PCDH11X: variants seen among roughly 807,000 people sequenced by gnomAD.
PCDH11X encodes protocadherin 11 X-linked.
Under a neutral mutation model 53.3 loss-of-function variants are expected in PCDH11X, and 18 were observed. That is an observed-to-expected ratio of 0.34 (90% CI 0.23 to 0.50). The LOEUF (loss-of-function observed/expected upper bound fraction) is 0.50, where lower values mean the gene tolerates loss of function less well. Ranked by LOEUF, PCDH11X falls within the 20% of genes least tolerant of loss-of-function variation. The pLI, the probability that PCDH11X is intolerant of heterozygous loss-of-function variation, is 0.98. For synonymous variants in PCDH11X, 279 were observed against 393.3 expected (o/e 0.71, Z 3.44); for missense variants, 570 against 1,032.4 (o/e 0.55, Z 6.14).
At position 91,879,819 on chromosome X, in the gene PCDH11X, A is replaced by G. The variant is rs138769378; in HGVS notation, c.3033+546A>G. 1.2e-3 allele frequency: 924 copies of G among 746,819 alleles called. 18 individuals are homozygous for G. In the East Asian group the frequency reaches 0.053, roughly 43 times the overall value. The allele number at this position is 746,819 out of a possible 1,213,427, so 61.5% of individuals were successfully genotyped here. A position where few individuals can be genotyped will look rare whatever the true frequency, so the allele number is the denominator to read the frequency against. ...TGTCGTTTTCAGATTAGGAACTCAAAATTATTTTGGTGCATCAAATCTACA... is the reference window on the plus strand; with the variant it reads ...TGTCGTTTTCAGATTAGGAACTCAAGATTATTTTGGTGCATCAAATCTACA... On this transcript the variant is annotated intron_variant, in intron 6 of 10. Coordinates refer to ENST00000682573, the MANE Select transcript of PCDH11X (RefSeq NM_032968.5).
intron 6 of PCDH11X, among the ~76,000 whole-genome samples, chrX:92,086,760 G>C (rs772027275): frequency 1.8e-5 from 2 of 110,770 alleles, no homozygotes; most frequent in Non-Finnish European, 3.8e-5. Flanking sequence ...TTTTGTGACA[G>C]TGTTCTGTGT....
chrX:92,087,081 C>T (rs1412873493), intron 6 of PCDH11X, among the ~76,000 whole-genome samples: 1 of 108,786 alleles, frequency 9.2e-6, no homozygotes, highest in Non-Finnish European at 1.9e-5. Context: ...TGGTCTGGGA[C>T]CCTAGCTCTT....
chrX:92,321,793 A>G (rs1396747138), intron 8 of PCDH11X, among the ~76,000 whole-genome samples: 5 of 111,139 alleles, frequency 4.5e-5, no homozygotes. Context: ...ATCATGCCTG[A>G]GGACTGTTTT....
intron 6 of PCDH11X, among the ~76,000 whole-genome samples, chrX:92,083,334 C>A (rs1033286846): frequency 9.0e-6 from 1 of 111,356 alleles, no homozygotes; most frequent in Non-Finnish European, 1.9e-5. Context: ...GCTCACCCTA[C>A]TGGTTAAGAG....
chrX:91,969,083 A>G (rs1199340267), intron 6 of PCDH11X, among the ~76,000 whole-genome samples: 1 of 111,176 alleles, frequency 9.0e-6, no homozygotes, highest in African/African-American at 3.3e-5. Context: ...CAAAATATTT[A>G]TGTATTCAGT....
At chrX:92,499,673 A>AAAAAAAAAAAAAAAAAAAC (rs2073925228) in intron 10 of PCDH11X, among the ~76,000 whole-genome samples, 1 of 80,486 alleles carries the variant, frequency 1.2e-5, no homozygotes, top group African/African-American at 5.1e-5. Flanking sequence ...AAAAAAAAAA[A>AAAAAAAAAAAAAAAAAAAC]AAAAAAAAGC....
At chrX:91,903,222 A>G (rs2088509624) in intron 6 of PCDH11X, among the ~76,000 whole-genome samples, 1 of 111,396 alleles carries the variant, frequency 9.0e-6, no homozygotes, top group Non-Finnish European at 1.9e-5. Flanking sequence ...TTTTATGTGG[A>G]CAACTGAGAT....
At chrX:92,184,198 G>A (rs1405936549) in intron 6 of PCDH11X, among the ~76,000 whole-genome samples, 2 of 111,522 alleles carry the variant, frequency 1.8e-5, no homozygotes, top group Non-Finnish European at 1.9e-5. Context: ...AATGTCATGA[G>A]ATTTTATATA....
intron 6 of PCDH11X, among the ~76,000 whole-genome samples, chrX:91,885,573 A>G (rs12686900): frequency 9.1e-6 from 1 of 109,813 alleles, no homozygotes; most frequent in East Asian, 2.9e-4. Context: ...TGCTTGTGTC[A>G]TGACTAGCCT....
intron 7 of PCDH11X, among the ~76,000 whole-genome samples, chrX:92,212,428 G>A (rs1053444113): frequency 1.8e-5 from 2 of 111,555 alleles, no homozygotes; most frequent in Non-Finnish European, 3.8e-5. Context: ...TCGGTTCACT[G>A]CAACCTCCAC....
rs1430747555 is a variant in PCDH11X at position 91,877,965 on chromosome X, C to T, written c.1725C>T (p.Tyr575=). The T allele has an allele frequency of 8.3e-7, 1 of 1,211,736 alleles. No homozygotes were observed. The highest frequency in any genetic ancestry group is 1.7e-5 in the African/African-American group (1 of 57,777). ...DNSPVFTHNE[Y]NFYVPENLPR... ...GCCCAGTTTTCACTCACAATGAATACAACTTCTATGTCCCAGAAAACCTTC... is the reference window on the plus strand; with the variant it reads ...GCCCAGTTTTCACTCACAATGAATATAACTTCTATGTCCCAGAAAACCTTC... Residue 575 remains tyrosine (Y), a synonymous_variant, in exon 6 of 11, where the codon TAC becomes TAT. Transcript: ENST00000682573.
intron 9 of PCDH11X, among the ~76,000 whole-genome samples, chrX:92,436,284 A>G (rs771568986): frequency 9.2e-4 from 101 of 109,922 alleles, no homozygotes; most frequent in African/African-American, 3.1e-3. Flanking sequence ...ATACCATGTC[A>G]CACCAGTCAA....
chrX:92,484,167 G>GTA (rs759954092), intron 10 of PCDH11X, among the ~76,000 whole-genome samples: 121 of 35,095 alleles, frequency 3.4e-3, no homozygotes, highest in Admixed American at 6.4e-3. Context: ...ATGTATATAT[G>GTA]TATATATATG....
intron 6 of PCDH11X, among the ~76,000 whole-genome samples, chrX:91,953,883 ATG>A: frequency 9.1e-6 from 1 of 110,231 alleles, no homozygotes; most frequent in East Asian, 2.9e-4. Flanking sequence ...TATCTATTAT[ATG>A]CACAAATGAC....
At chrX:92,585,591 C>T (rs1185618929) in intron 10 of PCDH11X, among the ~76,000 whole-genome samples, 59 of 108,821 alleles carry the variant, frequency 5.4e-4, no homozygotes, top group African/African-American at 1.9e-3. Context: ...AGGATGGTCT[C>T]GATCTCCTGA....
intron 6 of PCDH11X, among the ~76,000 whole-genome samples, chrX:92,005,572 T>C (rs2062585277): frequency 8.9e-6 from 1 of 112,107 alleles, no homozygotes; most frequent in African/African-American, 3.2e-5. Context: ...CTTGAAAAGT[T>C]GTTGTAGTTA....
chrX:92,317,583 G>A (rs1163927856), intron 8 of PCDH11X, among the ~76,000 whole-genome samples: 1 of 111,260 alleles, frequency 9.0e-6, no homozygotes, highest in Non-Finnish European at 1.9e-5. Context: ...GAATGATTGG[G>A]TACAAATGTG....
intron 8 of PCDH11X, among the ~76,000 whole-genome samples, chrX:92,275,144 G>A (rs908864602): frequency 8.1e-4 from 83 of 102,504 alleles, no homozygotes; most frequent in Non-Finnish European, 1.4e-3. Flanking sequence ...TTAAAGCAGT[G>A]GCAGCCTCTG....
chrX:91,883,018 G>A, intron 6 of PCDH11X: 5 of 1,121,739 alleles, frequency 4.5e-6, no homozygotes, highest in Non-Finnish European at 5.9e-6. Flanking sequence ...TTCAAAATTA[G>A]GCTAAGATCA....
Sources: allele counts gnomAD v4.1 joint callset (sites outside exome capture counted in the v4.1 genomes callset), GRCh38; gene constraint gnomAD v4.1.1; transcripts MANE v1.5; gene names NCBI Gene and HGNC (gene_info 2026-07-23, HGNC 2026-07-21).